The following ULK4 variants were observed in gnomAD, a reference collection of about 807,000 sequenced individuals.
ULK4 encodes the protein unc-51 like kinase 4.
Under a neutral mutation model 160.6 loss-of-function variants are expected in ULK4, and 133 were observed. That is an observed-to-expected ratio of 0.83 (90% CI 0.72 to 0.96). ULK4 has a LOEUF of 0.96. Ranked by LOEUF, ULK4 falls within the 40% of genes least tolerant of loss-of-function variation. ULK4 has a pLI of 0.00. For missense variants in ULK4, 1,580 were observed against 1,499.5 expected (o/e 1.05, Z -0.89); for synonymous variants, 534 against 539.8 (o/e 0.99, Z 0.15).
At chr3:41,824,642 T>C (rs961152912) in intron 18 of ULK4, among the ~76,000 whole-genome samples, 2 of 152,130 alleles carry the variant, frequency 1.3e-5, no homozygotes, top group Non-Finnish European at 2.9e-5. Context: ...TTGCCGAGGC[T>C]TGAGTAGGTA....
At chr3:41,909,066 C>T in intron 11 of ULK4, among the ~76,000 whole-genome samples, 1 of 123,788 alleles carries the variant, frequency 8.1e-6, no homozygotes. Context: ...GCACTCCAGC[C>T]TGGGTGACAA....
At chr3:41,556,228 G>A (rs1264846422) in intron 32 of ULK4, among the ~76,000 whole-genome samples, 1 of 152,128 alleles carries the variant, frequency 6.6e-6, no homozygotes, top group Non-Finnish European at 1.5e-5. Context: ...TAATGGGGCA[G>A]TAACTTCTGA....
intron 34 of ULK4, among the ~76,000 whole-genome samples, chr3:41,429,951 C>T (rs959397032): frequency 1.3e-5 from 2 of 151,980 alleles, no homozygotes; most frequent in Non-Finnish European, 2.9e-5. Flanking sequence ...AATTATATGG[C>T]CTAGAAGTTA....
At chr3:41,791,516 T>A (rs946092563) in intron 20 of ULK4, among the ~76,000 whole-genome samples, 3 of 152,146 alleles carry the variant, frequency 2.0e-5, no homozygotes, top group Non-Finnish European at 2.9e-5. Context: ...AATCTAGGAC[T>A]TTTTCCAGAT....
chr3:41,934,453 A>T (rs1269085654), intron 4 of ULK4, among the ~76,000 whole-genome samples: 1 of 152,272 alleles, frequency 6.6e-6, no homozygotes, highest in Non-Finnish European at 1.5e-5. Context: ...TCAGACCAGT[A>T]ATATGTACAA....
At chr3:41,281,030 C>A (rs1320060043) in intron 35 of ULK4, among the ~76,000 whole-genome samples, 1 of 152,178 alleles carries the variant, frequency 6.6e-6, no homozygotes, top group Non-Finnish European at 1.5e-5. Context: ...ATAAACACGT[C>A]TATGCAAATA....
At chr3:41,758,604 G>A (rs1453050396) in intron 21 of ULK4, among the ~76,000 whole-genome samples, 1 of 152,152 alleles carries the variant, frequency 6.6e-6, no homozygotes, top group Non-Finnish European at 1.5e-5. Context: ...AACAATAAGT[G>A]GCCGGGCACA....
chr3:41,250,338 TGTTA>T (rs761026988), intron 35 of ULK4, among the ~76,000 whole-genome samples: 37 of 152,246 alleles, frequency 2.4e-4, no homozygotes, highest in Admixed American at 1.3e-3. Context: ...TTGTTATCTT[TGTTA>T]GTTTAAAATT....
intron 19 of ULK4, among the ~76,000 whole-genome samples, chr3:41,819,016 C>T (rs9855965): frequency 0.25 from 38,770 of 152,138 alleles, 6,121 homozygotes; most frequent in African/African-American, 0.45. Context: ...GCTTCCCTGT[C>T]TCTAAACCTC....
chr3:41,307,863 A>G (rs867429554), intron 35 of ULK4, among the ~76,000 whole-genome samples: 7 of 152,146 alleles, frequency 4.6e-5, no homozygotes, highest in African/African-American at 7.2e-5. Context: ...ATATATAGCT[A>G]AAGTGGTAAG....
chr3:41,631,693 T>C (rs1478951733), intron 30 of ULK4, among the ~76,000 whole-genome samples: 2 of 152,022 alleles, frequency 1.3e-5, no homozygotes, highest in African/African-American at 4.8e-5. Flanking sequence ...TCCACACCTG[T>C]TGAACAAAAT....
chr3:41,381,934 C>T (rs1384969637), intron 35 of ULK4, among the ~76,000 whole-genome samples: 2 of 152,094 alleles, frequency 1.3e-5, no homozygotes, highest in African/African-American at 2.4e-5. Context: ...GACACAGGGG[C>T]TTCCTTATAG....
At chr3:41,612,022 AACAAT>A (rs2032705431) in intron 31 of ULK4, among the ~76,000 whole-genome samples, 2 of 152,174 alleles carry the variant, frequency 1.3e-5, no homozygotes, top group African/African-American at 4.8e-5. Flanking sequence ...AAATAAAAAT[AACAAT>A]ACAAGAAAAA....
chr3:41,551,393 GA>G lies in ULK4; in HGVS notation c.3226+14631del, dbSNP rs548521071. 1.4e-4 allele frequency among the ~76,000 whole-genome samples: 19 copies of G among 132,624 alleles called. No individual in the cohort carries two copies. In the East Asian group the frequency reaches 3.3e-3, roughly 23 times the overall value. 87.0% of individuals were successfully genotyped at this position (132,624 alleles called of 152,430 possible). ...AAAAACCACTAGCAACACTAAACAA[GA>G]AAAAAAGGAAGAAGATCCAAATAAA... On this transcript the variant is annotated intron_variant, in intron 32 of 36. Coordinates refer to ENST00000301831, the MANE Select transcript of ULK4 (RefSeq NM_017886.4).
At chr3:41,872,717 A>C (rs1402383643) in intron 17 of ULK4, among the ~76,000 whole-genome samples, 2 of 152,118 alleles carry the variant, frequency 1.3e-5, no homozygotes, top group Non-Finnish European at 2.9e-5. Context: ...CCACGAGCCC[A>C]GGCCTGGTTT....
intron 19 of ULK4, among the ~76,000 whole-genome samples, chr3:41,817,191 A>C (rs927162342): frequency 6.6e-6 from 1 of 152,204 alleles, no homozygotes; most frequent in Non-Finnish European, 1.5e-5. Flanking sequence ...ATCTAGCTTT[A>C]AAAGCAAAAG....
chr3:41,873,238 T>TTTA (rs1553679685), intron 17 of ULK4, among the ~76,000 whole-genome samples: 13 of 148,844 alleles, frequency 8.7e-5, no homozygotes, highest in African/African-American at 3.3e-4. Context: ...TTTTTTTTTT[T>TTTA]TTTTTGAAAA....
intron 32 of ULK4, among the ~76,000 whole-genome samples, chr3:41,536,158 C>T (rs936001649): frequency 6.6e-6 from 1 of 152,128 alleles, no homozygotes; most frequent in African/African-American, 2.4e-5. Context: ...AGATTGTCAA[C>T]CTCTTTTCTA....
chr3:41,819,518 T>TG lies in ULK4; in HGVS notation c.1765-13dup, dbSNP rs757647685. 38 of 1,567,238 alleles carry TG rather than the reference T, an allele frequency of 2.4e-5. No individual in the cohort carries two copies. In the African/African-American group the frequency reaches 3.3e-4, roughly 14 times the overall value. On this transcript the variant is annotated splice_polypyrimidine_tract_variant and intron_variant, in intron 18 of 36. Transcript: ENST00000301831. ...TTTTTTTTTTCTTCCTAAAATGAAG[T>TG]GGGAAAAAAAAAGGCAGTGAAGCTA...
Sources: gnomAD v4.1 joint callset for allele counts (sites outside exome capture counted in the v4.1 genomes callset) on GRCh38, gnomAD v4.1.1 for gene constraint, MANE v1.5 for transcripts, NCBI Gene and HGNC (gene_info 2026-07-23, HGNC 2026-07-21) for gene names.